Variants in TXNDC16 observed in about 807,000 individuals in gnomAD.
TXNDC16 encodes the protein thioredoxin domain containing 16, also known as thioredoxin domain-containing protein 16.
In TXNDC16, 74 loss-of-function variants were observed where a neutral mutation model predicts 85.6. The ratio of observed to expected loss-of-function variants is 0.86; its 90% confidence interval spans 0.72 to 1.05. The LOEUF is 1.05. TXNDC16 is among the 50% of genes least tolerant of loss of function. The probability of loss-of-function intolerance (pLI) is 0.00; values close to 1 mark genes in which losing one functional copy is unlikely to be tolerated. For missense variants in TXNDC16, 959 were observed against 947.0 expected, an observed-to-expected ratio of 1.01 and a Z score of -0.17; for synonymous variants, 335 against 326.5, an observed-to-expected ratio of 1.03 and a Z score of -0.28.
chr14:52,536,892 C>A, intron 5 of TXNDC16, 99 bp from the exon 6 acceptor site: 1 of 1,004,100 alleles, frequency 1.0e-6, no homozygotes. Context: ...CTTATAAGGT[C>A]TTTGATGTTA....
At chr14:52,476,561 T>C (rs2036025348) in intron 14 of TXNDC16, among the ~76,000 whole-genome samples, 1 of 151,666 alleles carries the variant, frequency 6.6e-6, no homozygotes, top group South Asian at 2.1e-4. Context: ...GTCTCAGCAA[T>C]AGAATCAAAC....
chr14:52,433,284 T>C (rs1025013516), intron 20 of TXNDC16, among the ~76,000 whole-genome samples: 1 of 152,138 alleles, frequency 6.6e-6, no homozygotes, highest in Non-Finnish European at 1.5e-5. Flanking sequence ...ATATTGGTTA[T>C]TGAAAGAGGA....
intron 18 of TXNDC16, among the ~76,000 whole-genome samples, chr14:52,447,731 T>C (rs2140108093): frequency 6.6e-6 from 1 of 152,230 alleles, no homozygotes; most frequent in Admixed American, 6.5e-5. Context: ...AACAGAGCTA[T>C]GTGTCCTTTC....
At chr14:52,440,748 C>CA (rs762412883) in intron 18 of TXNDC16, 24 bp from the exon 19 acceptor site, 1 of 1,595,874 alleles carries the variant, frequency 6.3e-7, no homozygotes. Context: ...GGAATAACAA[C>CA]AATAAAAAAT....
intron 18 of TXNDC16, among the ~76,000 whole-genome samples, chr14:52,441,735 A>C (rs564238610): frequency 2.0e-5 from 3 of 152,222 alleles, no homozygotes; most frequent in Admixed American, 2.0e-4. Flanking sequence ...GCCTTTTTTC[A>C]GTTATTTTCA....
intron 14 of TXNDC16, among the ~76,000 whole-genome samples, chr14:52,477,548 T>G (rs2036046268): frequency 6.6e-6 from 1 of 152,062 alleles, no homozygotes; most frequent in South Asian, 2.1e-4. Context: ...AAAACAAACT[T>G]TAAAGCAACA....
At chr14:52,492,037 G>T (rs76831804) in intron 9 of TXNDC16, among the ~76,000 whole-genome samples, 2,032 of 152,274 alleles carry the variant, frequency 0.013, 44 homozygotes, top group African/African-American at 0.046. Flanking sequence ...TCTAAAATAA[G>T]GAGGAATGTG....
rs74050213 is a variant in TXNDC16 at position 52,433,422 on chromosome 14, A to G, written c.2195-835T>C. Among the ~76,000 whole-genome samples the G allele has an allele frequency of 3.3e-3, 496 of 152,338 alleles. 2 individuals are homozygous for G. Among genetic ancestry groups the G allele is most frequent in the African/African-American group, 0.011 (468 of 41,582 alleles). ...TACTATTTTAAAAAATAAACTATAT[A>G]AGGAAATGTACAAAGTAAACCTTTT... On this transcript the variant is annotated intron_variant, in intron 20 of 20. Transcript: ENST00000281741.
chr14:52,548,022 T>A (rs556432104), intron 1 of TXNDC16, among the ~76,000 whole-genome samples: 1 of 152,298 alleles, frequency 6.6e-6, no homozygotes, highest in Admixed American at 6.5e-5. Flanking sequence ...TAAGAGTCAG[T>A]ATACATGTGC....
At position 52,537,602 on chromosome 14, in the gene TXNDC16, A is replaced by T; in HGVS notation, c.314T>A (p.Phe105Tyr). The T allele has an allele frequency of 6.3e-7, 1 of 1,578,460 alleles. No homozygotes were observed. The highest frequency in any genetic ancestry group is 1.3e-5 in the African/African-American group (1 of 74,396). The change falls in exon 5 of 21, where the codon TTC becomes TAC. Residue 105 changes from phenylalanine to tyrosine, a missense_variant. Transcript: ENST00000281741. ...CACACTCAGGAAAATAGCTTACTTG[A>T]ATAAATATGCTTTCATCAAATCCTT... ...KEKDLMKAYL[F>Y]KGNILLREFP...
At chr14:52,544,576 T>G (rs2140231892) in intron 1 of TXNDC16, among the ~76,000 whole-genome samples, 1 of 152,168 alleles carries the variant, frequency 6.6e-6, no homozygotes, top group South Asian at 2.1e-4. Flanking sequence ...GTAGAATTTT[T>G]CAGCAAAGAA....
chr14:52,537,336 T>G (rs1184445923), intron 5 of TXNDC16, among the ~76,000 whole-genome samples: 1 of 152,188 alleles, frequency 6.6e-6, no homozygotes, highest in Non-Finnish European at 1.5e-5. Context: ...TGGTAAGCAC[T>G]TGCTTACCAG....
At chr14:52,452,513 T>C (rs1451632989) in intron 18 of TXNDC16, among the ~76,000 whole-genome samples, 2 of 152,062 alleles carry the variant, frequency 1.3e-5, no homozygotes, top group Non-Finnish European at 2.9e-5. Context: ...GAATACAGAA[T>C]GCAGAAATAA....
intron 6 of TXNDC16, among the ~76,000 whole-genome samples, chr14:52,520,766 T>G (rs2037191433): frequency 6.6e-6 from 1 of 152,186 alleles, no homozygotes; most frequent in Admixed American, 6.5e-5. Flanking sequence ...TTTTCAAAAT[T>G]TTCATGTTGC....
intron 9 of TXNDC16, among the ~76,000 whole-genome samples, chr14:52,496,860 C>T (rs1322467549): frequency 1.3e-5 from 2 of 152,128 alleles, no homozygotes; most frequent in Non-Finnish European, 2.9e-5. Flanking sequence ...ATCCACCCAA[C>T]TCAGCCTCCC....
chr14:52,465,441 A>G (rs2035749773), intron 16 of TXNDC16, among the ~76,000 whole-genome samples: 1 of 151,998 alleles, frequency 6.6e-6, no homozygotes, highest in Non-Finnish European at 1.5e-5. Context: ...AAATACAAAG[A>G]GTCAGCCGGG....
At chr14:52,480,955 G>T (rs2036130745) in intron 14 of TXNDC16, among the ~76,000 whole-genome samples, 1 of 95,080 alleles carries the variant, frequency 1.1e-5, no homozygotes, top group African/African-American at 3.6e-5. Flanking sequence ...GTGTGTGTGT[G>T]TGTGTGTATA....
intron 16 of TXNDC16, among the ~76,000 whole-genome samples, chr14:52,465,141 T>C (rs562203534): frequency 6.6e-6 from 1 of 152,318 alleles, no homozygotes; most frequent in Non-Finnish European, 1.5e-5. Flanking sequence ...ATGTAGTTAA[T>C]AGTATCTACT....
At chr14:52,476,456 A>T (rs1420055502) in intron 14 of TXNDC16, among the ~76,000 whole-genome samples, 1 of 152,162 alleles carries the variant, frequency 6.6e-6, no homozygotes, top group African/African-American at 2.4e-5. Context: ...AAGTAAAGGG[A>T]GAAATATTCA....
Sources: allele counts gnomAD v4.1 joint callset (sites outside exome capture counted in the v4.1 genomes callset), GRCh38; gene constraint gnomAD v4.1.1; transcripts MANE v1.5; gene names NCBI Gene and HGNC (gene_info 2026-07-23, HGNC 2026-07-21).